Variants in TIMM9 observed in about 807,000 individuals in gnomAD.
TIMM9 encodes translocase of inner mitochondrial membrane 9, also known as mitochondrial import inner membrane translocase subunit Tim9.
In TIMM9, 10 loss-of-function variants were observed where a neutral mutation model predicts 13.4. That is an observed-to-expected ratio of 0.75 (90% confidence interval 0.46 to 1.26). The LOEUF is 1.26. Among genes scored for constraint, TIMM9 ranks in the 50% most tolerant of loss-of-function variants. The probability of loss-of-function intolerance (pLI) is 0.00; values close to 1 mark genes in which losing one functional copy is unlikely to be tolerated. For synonymous variants in TIMM9, 32 were observed against 32.1 expected, an observed-to-expected ratio of 1.00 and a Z score of 0.01; for missense variants, 87 against 100.8, an observed-to-expected ratio of 0.86 and a Z score of 0.58.
intron 3 of TIMM9, among the ~76,000 whole-genome samples, chr14:58,423,097 A>T (rs10150307): frequency 6.6e-6 from 1 of 151,154 alleles, no homozygotes; most frequent in African/African-American, 2.4e-5. Flanking sequence ...GAGCCACTGC[A>T]CCCAGACCAA....
At chr14:58,419,459 A>T (rs927907853) in intron 3 of TIMM9, among the ~76,000 whole-genome samples, 22 of 111,614 alleles carry the variant, frequency 2.0e-4, no homozygotes, top group South Asian at 3.2e-4. Flanking sequence ...CGTCACACAC[A>T]CACACACACA....
chr14:58,417,633 G>T (rs1266764293), intron 3 of TIMM9, among the ~76,000 whole-genome samples: 1 of 139,588 alleles, frequency 7.2e-6, no homozygotes, highest in East Asian at 2.1e-4. Context: ...AAGGGAGGGA[G>T]GGAGGGAGGG....
At chr14:58,420,531 G>A (rs867235499) in intron 3 of TIMM9, among the ~76,000 whole-genome samples, 33 of 152,282 alleles carry the variant, frequency 2.2e-4, no homozygotes, top group South Asian at 1.4e-3. Flanking sequence ...GGTGGCTCAC[G>A]CCTGTAATCC....
intron 3 of TIMM9, among the ~76,000 whole-genome samples, chr14:58,414,594 CG>C (rs2036333510): frequency 6.6e-6 from 1 of 151,634 alleles, no homozygotes; most frequent in Non-Finnish European, 1.5e-5. Flanking sequence ...AAAAATTAGC[CG>C]GGCATGGTGG....
chr14:58,418,355 ATACTT>A (rs2036480307), intron 3 of TIMM9, among the ~76,000 whole-genome samples: 2 of 152,234 alleles, frequency 1.3e-5, no homozygotes, highest in South Asian at 4.1e-4. Flanking sequence ...AGCCTACACT[ATACTT>A]AATGGCAAAA....
At position 58,408,993 on chromosome 14, in the gene TIMM9, G is replaced by A. The variant is rs770213143; in HGVS notation, c.*41C>T. On this transcript the variant is annotated 3_prime_UTR_variant, in exon 6 of 6. Coordinates refer to ENST00000395159, the MANE Select transcript of TIMM9 (RefSeq NM_012460.4). ...AGTCCTCATTTCCAATAAAGCAGCT[G>A]TTGGCAATCTTTCATCAAAAGTTCA... is the stretch of plus-strand genomic sequence containing the variant. 4.4e-6 allele frequency: 7 copies of A among 1,591,386 alleles called. No individual in the cohort carries two copies. In the East Asian group the frequency reaches 1.1e-4, roughly 26 times the overall value.
chr14:58,419,764 A>T (rs1264938449), intron 3 of TIMM9, among the ~76,000 whole-genome samples: 5 of 151,694 alleles, frequency 3.3e-5, no homozygotes, highest in African/African-American at 4.8e-5. Context: ...CACAAAAAAA[A>T]TTTTAGCTGG....
rs1409641393 is a variant in TIMM9 at position 58,408,786 on chromosome 14, C to G, written c.*248G>C. Reference sequence around the variant, plus strand: ...TTATTTTTCTAATCAAGTGACCAAGCTGCTGAATCATAAGGCCTCAACAAA... The same window carrying G: ...TTATTTTTCTAATCAAGTGACCAAGGTGCTGAATCATAAGGCCTCAACAAA... On this transcript the variant is annotated 3_prime_UTR_variant, in exon 6 of 6. Coordinates refer to ENST00000395159, the MANE Select transcript of TIMM9 (RefSeq NM_012460.4). The G allele has an allele frequency of 1.5e-6, 1 of 683,104 alleles. No individual in the cohort carries two copies. Among genetic ancestry groups the G allele is most frequent in the African/African-American group, 1.9e-5 (1 of 53,596 alleles). 42.3% of individuals were successfully genotyped at this position (683,104 alleles called of 1,614,324 possible).
At chr14:58,422,185 A>G (rs1460879942) in intron 3 of TIMM9, among the ~76,000 whole-genome samples, 1 of 148,884 alleles carries the variant, frequency 6.7e-6, no homozygotes, top group Non-Finnish European at 1.5e-5. Context: ...GCACAATCTC[A>G]GCTTACTGCA....
At chr14:58,410,546 G>A (rs1285270147) in intron 5 of TIMM9, among the ~76,000 whole-genome samples, 2 of 152,190 alleles carry the variant, frequency 1.3e-5, no homozygotes, top group Non-Finnish European at 1.5e-5. Context: ...GTTTCTCTAG[G>A]TAGGCCATCT....
chr14:58,424,297 TC>T (rs1341607359), intron 2 of TIMM9, among the ~76,000 whole-genome samples: 3 of 152,230 alleles, frequency 2.0e-5, no homozygotes, highest in African/African-American at 7.2e-5. Context: ...TGTCATGCTA[TC>T]CTTATTTATC....
intron 3 of TIMM9, among the ~76,000 whole-genome samples, chr14:58,423,514 CAAAAAAAAAAAAAA>C (rs398025245): frequency 4.5e-5 from 3 of 66,494 alleles, no homozygotes; most frequent in African/African-American, 1.7e-4. Context: ...GACTTTGTCT[CAAAAAAAAAAAAAA>C]AAAAAAAAAA....
intron 2 of TIMM9, among the ~76,000 whole-genome samples, chr14:58,426,448 G>A (rs902853141): frequency 6.6e-6 from 1 of 151,968 alleles, no homozygotes. Flanking sequence ...CTCGTGATCC[G>A]CCCGCCTTGG....
Position 58,408,916 on chromosome 14 carries a change from T to C in TIMM9, c.*118A>G, listed in dbSNP as rs2036117777. 9 of 1,446,802 alleles carry C rather than the reference T, an allele frequency of 6.2e-6. No individual in the cohort carries two copies. Among genetic ancestry groups the C allele is most frequent in the African/African-American group, 1.4e-5 (1 of 69,642 alleles). 89.6% of individuals were successfully genotyped at this position (1,446,802 alleles called of 1,614,324 possible). A position where few individuals can be genotyped will look rare whatever the true frequency, so the allele number is the denominator to read the frequency against. ...GCGGTTTCCATTTGCCAAACAGTCA[T>C]GACAGATGGTTGAACATGGTGGCTA... is the stretch of plus-strand genomic sequence containing the variant. On this transcript the variant is annotated 3_prime_UTR_variant, in exon 6 of 6. Coordinates refer to ENST00000395159, the MANE Select transcript of TIMM9 (RefSeq NM_012460.4).
At chr14:58,426,043 G>A in intron 2 of TIMM9, among the ~76,000 whole-genome samples, 1 of 151,576 alleles carries the variant, frequency 6.6e-6, no homozygotes, top group East Asian at 2.0e-4. Flanking sequence ...CTTGAACCTG[G>A]GAGGCGGAGG....
At chr14:58,415,926 A>G (rs192623541) in intron 3 of TIMM9, among the ~76,000 whole-genome samples, 22 of 152,194 alleles carry the variant, frequency 1.4e-4, no homozygotes, top group African/African-American at 5.3e-4. Context: ...TCTGAAAACT[A>G]AAGACAAGGC....
chr14:58,409,666 C>T (rs1413688395), intron 5 of TIMM9, among the ~76,000 whole-genome samples: 4 of 152,094 alleles, frequency 2.6e-5, no homozygotes, highest in African/African-American at 9.7e-5. Flanking sequence ...GCAAGCTCCG[C>T]CTCCTGAGTT....
intron 3 of TIMM9, among the ~76,000 whole-genome samples, chr14:58,416,179 G>A (rs2036403497): frequency 6.6e-6 from 1 of 152,078 alleles, no homozygotes; most frequent in South Asian, 2.1e-4. Context: ...AGTGAGCCAA[G>A]ATCATGTCAG....
intron 3 of TIMM9, among the ~76,000 whole-genome samples, chr14:58,416,944 C>A (rs2036428915): frequency 6.6e-6 from 1 of 152,138 alleles, no homozygotes; most frequent in South Asian, 2.1e-4. Flanking sequence ...TATGTCCCCA[C>A]CCAAATCTCA....
Sources: allele counts gnomAD v4.1 joint callset (sites outside exome capture counted in the v4.1 genomes callset), GRCh38; gene constraint gnomAD v4.1.1; transcripts MANE v1.5; gene names NCBI Gene and HGNC (gene_info 2026-07-23, HGNC 2026-07-21).